Variants in TMTC2 observed in about 807,000 individuals in gnomAD.
TMTC2 encodes protein O-mannosyl-transferase TMTC2.
A neutral mutation model predicts 82.4 loss-of-function variants in TMTC2; 43 were observed. The observed-to-expected ratio is 0.52, with a 90% CI of 0.41 to 0.67. The LOEUF (loss-of-function observed/expected upper bound fraction) is 0.67, where lower values mean the gene tolerates loss of function less well. Ranked by LOEUF, TMTC2 falls within the 30% of genes least tolerant of loss-of-function variation. The pLI is 0.00. For missense variants in TMTC2, 919 were observed against 1,012.4 expected (o/e 0.91, Z 1.25); for synonymous variants, 408 against 381.9 (o/e 1.07, Z -0.80).
In TMTC2 at chr12:82,687,131, TTCTC is replaced by T. The variant is rs901427178; in HGVS notation, c.-450_-447del. On this transcript the variant is annotated 5_prime_UTR_variant, in exon 1 of 12. It removes the in-frame stop codon of an upstream open reading frame in the 5' UTR. Coordinates refer to ENST00000321196, the MANE Select transcript of TMTC2 (RefSeq NM_152588.3). ...CCTTGTCCCTCCCACCCGCGCCTCTTTCTCTCTCTTCCTCCAGCTGGTCCCAGAG... is the reference window on the plus strand; with the variant it reads ...CCTTGTCCCTCCCACCCGCGCCTCTTTCTCTTCCTCCAGCTGGTCCCAGAG... 1.8e-5 allele frequency: 3 copies of T among 166,122 alleles called. No individual in the cohort carries two copies. Among genetic ancestry groups the T allele is most frequent in the East Asian group, 3.6e-4 (2 of 5,602 alleles). 10.3% of individuals were successfully genotyped at this position (166,122 alleles called of 1,614,324 possible). A position where few individuals can be genotyped will look rare whatever the true frequency, so the allele number is the denominator to read the frequency against.
intron 1 of TMTC2, among the ~76,000 whole-genome samples, chr12:82,754,759 A>G (rs980931512): frequency 6.0e-5 from 7 of 117,572 alleles, no homozygotes; most frequent in Non-Finnish European, 1.1e-4. Flanking sequence ...ATAAATAAAT[A>G]AAAGGTACTT....
chr12:82,704,199 T>C (rs1481721168), intron 1 of TMTC2, among the ~76,000 whole-genome samples: 3 of 152,220 alleles, frequency 2.0e-5, no homozygotes, highest in Admixed American at 2.0e-4. Flanking sequence ...TAATGGATGA[T>C]GTTAAAAACT....
chr12:82,892,741 A>G (rs1053738055), intron 2 of TMTC2, among the ~76,000 whole-genome samples: 2 of 152,208 alleles, frequency 1.3e-5, no homozygotes, highest in Non-Finnish European at 2.9e-5. Flanking sequence ...ATATTGTAAT[A>G]GAATGTTCTT....
At chr12:82,736,699 T>A (rs1875144116) in intron 1 of TMTC2, among the ~76,000 whole-genome samples, 1 of 152,232 alleles carries the variant, frequency 6.6e-6, no homozygotes, top group Non-Finnish European at 1.5e-5. Flanking sequence ...GCTATATTAT[T>A]GCTAGCATTT....
At chr12:83,078,393 C>T (rs1236193931) in intron 11 of TMTC2, among the ~76,000 whole-genome samples, 1 of 152,128 alleles carries the variant, frequency 6.6e-6, no homozygotes, top group Non-Finnish European at 1.5e-5. Context: ...TCAACAGCTG[C>T]TCTTTATTCC....
chr12:82,965,087 T>G lies in TMTC2; in HGVS notation c.1662T>G (p.Ile554Met). 1 of 1,612,190 alleles carries G rather than the reference T, an allele frequency of 6.2e-7. No homozygotes were observed. Residue 554 changes from isoleucine to methionine, a missense_variant, in exon 5 of 12, where the codon ATT (isoleucine) becomes ATG (methionine). Ile to Met is a conservative substitution (Grantham distance 10, BLOSUM62 1). Transcript: ENST00000321196. The part of the protein sequence containing the change: ...AEALHYYKLA[I>M]GSRPTLASAY... Reference sequence around the variant, plus strand: ...CACTACATTATTATAAATTGGCCATTGGGAGCAGGCCTACCCTGGCTTGTA... The same window carrying G: ...CACTACATTATTATAAATTGGCCATGGGGAGCAGGCCTACCCTGGCTTGTA...
intron 11 of TMTC2, among the ~76,000 whole-genome samples, chr12:83,088,325 C>T (rs1477510712): frequency 6.6e-6 from 1 of 152,134 alleles, no homozygotes; most frequent in Non-Finnish European, 1.5e-5. Context: ...TTTGTATCAG[C>T]AATAAGGCTG....
intron 10 of TMTC2, among the ~76,000 whole-genome samples, chr12:83,054,776 G>A (rs896023459): frequency 5.9e-5 from 9 of 151,764 alleles, no homozygotes; most frequent in South Asian, 2.1e-4. Flanking sequence ...AGAGCATAGA[G>A]TAGATAAAGA....
chr12:82,745,019 G>C (rs1875613610), intron 1 of TMTC2, among the ~76,000 whole-genome samples: 1 of 152,050 alleles, frequency 6.6e-6, no homozygotes, highest in East Asian at 1.9e-4. Context: ...GTATACAAAA[G>C]ATATTGCTAT....
intron 1 of TMTC2, among the ~76,000 whole-genome samples, chr12:82,832,450 A>G (rs1184963055): frequency 1.3e-5 from 2 of 152,010 alleles, no homozygotes; most frequent in African/African-American, 4.8e-5. Flanking sequence ...ATATTATACT[A>G]TTGTACACTG....
chr12:83,106,370 A>G (rs1338773886), intron 11 of TMTC2, among the ~76,000 whole-genome samples: 1 of 151,916 alleles, frequency 6.6e-6, no homozygotes, highest in East Asian at 1.9e-4. Context: ...GTGGTGGTGC[A>G]TCCCTGTAAT....
chr12:82,913,377 C>T (rs1026601535), intron 3 of TMTC2, among the ~76,000 whole-genome samples: 2 of 152,004 alleles, frequency 1.3e-5, no homozygotes, highest in African/African-American at 4.8e-5. Context: ...CACATTGAGC[C>T]TGGAGCAGAC....
chr12:82,996,868 G>A (rs191181674), intron 8 of TMTC2, among the ~76,000 whole-genome samples: 2 of 152,074 alleles, frequency 1.3e-5, no homozygotes, highest in South Asian at 4.1e-4. Flanking sequence ...TAGACTTTCT[G>A]TCTGCTTGAA....
chr12:82,840,547 G>C (rs931898000), intron 1 of TMTC2, among the ~76,000 whole-genome samples: 3 of 152,178 alleles, frequency 2.0e-5, no homozygotes, highest in Non-Finnish European at 4.4e-5. Flanking sequence ...ATTGGCAGTG[G>C]CCAGGGTGAC....
chr12:82,918,349 G>C (rs928099204), intron 3 of TMTC2, among the ~76,000 whole-genome samples: 3 of 152,176 alleles, frequency 2.0e-5, no homozygotes, highest in African/African-American at 7.2e-5. Flanking sequence ...CCTCCTCATG[G>C]AAGTAACACT....
At chr12:82,917,636 C>G (rs904291764) in intron 3 of TMTC2, among the ~76,000 whole-genome samples, 2 of 152,078 alleles carry the variant, frequency 1.3e-5, no homozygotes, top group East Asian at 1.9e-4. Flanking sequence ...GAGTCTCACT[C>G]TGTCACCCAG....
intron 4 of TMTC2, among the ~76,000 whole-genome samples, chr12:82,956,838 T>C (rs1248161692): frequency 1.3e-5 from 2 of 152,146 alleles, no homozygotes; most frequent in African/African-American, 4.8e-5. Context: ...CAAGAAGACT[T>C]AACTATCCTA....
At chr12:82,770,656 T>A (rs915527012) in intron 1 of TMTC2, among the ~76,000 whole-genome samples, 1 of 152,104 alleles carries the variant, frequency 6.6e-6, no homozygotes, top group African/African-American at 2.4e-5. Context: ...TAGCTCTACT[T>A]TATTTTATTG....
rs11293297 is a variant in TMTC2 at position 83,019,158 on chromosome 12, T to TA, written c.2071-11628dup. Among the ~76,000 whole-genome samples, 1,339 of 151,724 alleles carry TA rather than the reference T, an allele frequency of 8.8e-3. 16 individuals are homozygous for TA. Among genetic ancestry groups the TA allele is most frequent in the African/African-American group, 0.031 (1,287 of 41,246 alleles). On this transcript the variant is annotated intron_variant, in intron 8 of 11. Coordinates refer to ENST00000321196, the MANE Select transcript of TMTC2 (RefSeq NM_152588.3). ...TTCCTCTTCTAATTTTAAACTAAACTAAAAAAAAAAAACATACACATTAAT... is the reference window on the plus strand; with the variant it reads ...TTCCTCTTCTAATTTTAAACTAAACTAAAAAAAAAAAAACATACACATTAAT...
Sources: gnomAD v4.1 joint callset for allele counts (sites outside exome capture counted in the v4.1 genomes callset) on GRCh38, gnomAD v4.1.1 for gene constraint, MANE v1.5 for transcripts, NCBI Gene and HGNC (gene_info 2026-07-23, HGNC 2026-07-21) for gene names.